Variants in CDH11 observed in about 807,000 individuals in gnomAD.
CDH11 encodes cadherin 11, also known as cadherin-11.
In CDH11, 11 loss-of-function variants were observed where a neutral mutation model predicts 67.8. The ratio of observed to expected loss-of-function variants is 0.16; its 90% CI spans 0.10 to 0.27. The LOEUF (loss-of-function observed/expected upper bound fraction) is 0.27. CDH11 is among the 10% of genes least tolerant of loss of function. The pLI is 1.00. For synonymous variants in CDH11, 419 were observed against 400.0 expected (o/e 1.05, Z -0.57); for missense variants, 847 against 1,031.2 (o/e 0.82, Z 2.45).
chr16:65,079,757 T>G (rs142593163), intron 1 of CDH11, among the ~76,000 whole-genome samples: 10 of 152,334 alleles, frequency 6.6e-5, no homozygotes, highest in South Asian at 6.2e-4. Context: ...TCGCATAACC[T>G]ATGCTCTTGA....
rs1596995973 is a variant in CDH11, at chr16:64,945,369, T to A, written c.*2234A>T. 1 of 1,012,848 alleles carries A rather than the reference T, an allele frequency of 9.9e-7. No homozygotes were observed. The highest frequency in any genetic ancestry group is 1.7e-5 in the African/African-American group (1 of 58,924). The allele number at this position is 1,012,848 out of a possible 1,614,324, so 62.7% of individuals were successfully genotyped here. ...ACTACTGAAAAGTAAACAGCCTTTT[T>A]AAAAAAGACTTCAACATAAAAATGC... On this transcript the variant is annotated 3_prime_UTR_variant, in exon 13 of 13. Coordinates refer to ENST00000268603, the MANE Select transcript of CDH11 (RefSeq NM_001797.4).
chr16:64,969,889 G>A (rs1464026361), intron 11 of CDH11, among the ~76,000 whole-genome samples: 3 of 152,150 alleles, frequency 2.0e-5, no homozygotes, highest in Non-Finnish European at 4.4e-5. Context: ...AGGGTTGTGT[G>A]TTTCTGGTTG....
chr16:65,003,304 C>G (rs1429518802), intron 3 of CDH11, among the ~76,000 whole-genome samples: 2 of 151,688 alleles, frequency 1.3e-5, no homozygotes, highest in Non-Finnish European at 2.9e-5. Flanking sequence ...GTCTCCCAGG[C>G]TGGAGTACAG....
chr16:65,068,623 CT>C (rs914550416), intron 1 of CDH11, among the ~76,000 whole-genome samples: 38 of 152,174 alleles, frequency 2.5e-4, no homozygotes, highest in Admixed American at 2.4e-3. Flanking sequence ...GCCCAAAACC[CT>C]GTAACCTCAT....
intron 1 of CDH11, among the ~76,000 whole-genome samples, chr16:65,069,689 T>C (rs1409643779): frequency 6.6e-6 from 1 of 152,200 alleles, no homozygotes; most frequent in African/African-American, 2.4e-5. Context: ...AAGTGTCAAA[T>C]TAAATATTGA....
chr16:64,982,352 G>A, intron 7 of CDH11, 51 bp from the exon 8 acceptor site: 2 of 1,396,484 alleles, frequency 1.4e-6, no homozygotes, highest in Non-Finnish European at 2.0e-6. Context: ...AAGAATAATG[G>A]AAGAGAAAGA....
chr16:65,021,104 C>T (rs191155770), intron 2 of CDH11, among the ~76,000 whole-genome samples: 108 of 152,224 alleles, frequency 7.1e-4, no homozygotes, highest in African/African-American at 2.5e-3. Context: ...GAGCATGCTT[C>T]TCTGATCCAA....
At chr16:64,951,108 T>C in intron 11 of CDH11, 90 bp from the exon 12 acceptor site, 1 of 1,307,550 alleles carries the variant, frequency 7.6e-7, no homozygotes, top group Non-Finnish European at 1.1e-6. Flanking sequence ...GGGCACTCTC[T>C]TATCATAAAG....
intron 1 of CDH11, among the ~76,000 whole-genome samples, chr16:65,116,197 A>T (rs1026188480): frequency 6.6e-6 from 1 of 152,200 alleles, no homozygotes; most frequent in Non-Finnish European, 1.5e-5. Context: ...GTGTGAAGCA[A>T]TTTGAGCTGC....
intron 2 of CDH11, among the ~76,000 whole-genome samples, chr16:65,037,916 C>A (rs1177872104): frequency 6.6e-6 from 1 of 152,152 alleles, no homozygotes; most frequent in Non-Finnish European, 1.5e-5. Flanking sequence ...CAGGCTGAAT[C>A]CAACCCCTCT....
chr16:65,120,353 T>C (rs2075304663), intron 1 of CDH11, among the ~76,000 whole-genome samples: 1 of 152,166 alleles, frequency 6.6e-6, no homozygotes, highest in Non-Finnish European at 1.5e-5. Flanking sequence ...ACCATCGACG[T>C]CTGCTGCAAG....
rs771704125 is a variant in CDH11 at position 64,998,761 on chromosome 16, C to G, written c.324G>C (p.Gly108=). The change falls in exon 4 of 13, where the codon GGG becomes GGC. Residue 108 remains glycine (G), a synonymous_variant. Coordinates refer to ENST00000268603, the MANE Select transcript of CDH11 (RefSeq NM_001797.4). ...GTIFVIDDKS[G]NIHATKTLDR... is the part of the protein sequence containing the mutation. ...CCAACGTCTTGGTGGCATGAATGTTCCCTGATTTGTCATCAATCACAAAAA... is the reference window on the plus strand; with the variant it reads ...CCAACGTCTTGGTGGCATGAATGTTGCCTGATTTGTCATCAATCACAAAAA... 3 of 1,614,118 alleles carry G rather than the reference C, an allele frequency of 1.9e-6. No individual in the cohort carries two copies. The highest frequency in any genetic ancestry group is 1.1e-5 in the South Asian group (1 of 91,074).
At chr16:64,950,480 A>G (rs1230489394) in intron 12 of CDH11, among the ~76,000 whole-genome samples, 1 of 152,016 alleles carries the variant, frequency 6.6e-6, no homozygotes, top group African/African-American at 2.4e-5. Context: ...GGCTCCTGCT[A>G]TACAGCCCTG....
chr16:65,091,968 T>TC (rs996372098), intron 1 of CDH11, among the ~76,000 whole-genome samples: 2 of 152,132 alleles, frequency 1.3e-5, no homozygotes, highest in African/African-American at 4.8e-5. Flanking sequence ...TAATGTCACC[T>TC]CCCCAGAGAA....
intron 1 of CDH11, among the ~76,000 whole-genome samples, chr16:65,097,543 A>G (rs2074920466): frequency 6.6e-6 from 1 of 152,206 alleles, no homozygotes; most frequent in Non-Finnish European, 1.5e-5. Flanking sequence ...ACTTGATGCC[A>G]GCAGCATTCT....
chr16:65,054,082 G>T (rs538512878), intron 1 of CDH11, among the ~76,000 whole-genome samples, 154 bp from the exon 2 acceptor site: 2 of 152,274 alleles, frequency 1.3e-5, no homozygotes, highest in East Asian at 3.9e-4. Flanking sequence ...CTAAAATTAC[G>T]TGAAAAGTGG....
intron 8 of CDH11, among the ~76,000 whole-genome samples, 156 bp from the exon 9 acceptor site, chr16:64,973,196 G>A (rs1450823039): frequency 1.3e-5 from 2 of 152,204 alleles, no homozygotes; most frequent in Non-Finnish European, 1.5e-5. Flanking sequence ...CTTTGTACAC[G>A]ATTCTTTTAT....
chr16:65,096,433 G>C (rs1227729605), intron 1 of CDH11, among the ~76,000 whole-genome samples: 1 of 144,040 alleles, frequency 6.9e-6, no homozygotes, highest in East Asian at 2.0e-4. Flanking sequence ...GTGTGTGTGT[G>C]TGTGTGTGTG....
intron 2 of CDH11, among the ~76,000 whole-genome samples, chr16:65,028,562 C>T (rs1427320418): frequency 2.0e-5 from 3 of 152,192 alleles, no homozygotes; most frequent in Non-Finnish European, 4.4e-5. Flanking sequence ...CCTCTCTTCC[C>T]TTACTCTGCA....
Sources: allele counts gnomAD v4.1 joint callset (sites outside exome capture counted in the v4.1 genomes callset), GRCh38; gene constraint gnomAD v4.1.1; transcripts MANE v1.5; gene names NCBI Gene and HGNC (gene_info 2026-07-23, HGNC 2026-07-21).